The following DPH6 variants were observed in gnomAD, a reference collection of about 807,000 sequenced individuals.
DPH6 encodes the protein diphthine--ammonia ligase.
A neutral mutation model predicts 38.2 loss-of-function variants in DPH6; 33 were observed. That is an observed-to-expected ratio of 0.86 (90% CI 0.65 to 1.15). The LOEUF is 1.15. Among genes scored for constraint, DPH6 ranks in the 50% most tolerant of loss-of-function variants. DPH6 has a pLI of 0.00. For missense variants in DPH6, 325 were observed against 320.0 expected (o/e 1.02, Z -0.12); for synonymous variants, 108 against 103.0 (o/e 1.05, Z -0.30).
intron 3 of DPH6, among the ~76,000 whole-genome samples, chr15:35,535,704 G>A (rs1320118992): frequency 6.6e-5 from 10 of 152,040 alleles, no homozygotes. Flanking sequence ...AAATTCTAAA[G>A]AATAAAAGAT....
At chr15:35,222,678 C>T (rs2051450383) in intron 3 of DPH6, among the ~76,000 whole-genome samples, 1 of 152,116 alleles carries the variant, frequency 6.6e-6, no homozygotes, top group South Asian at 2.1e-4. Context: ...CTCAGTGAAT[C>T]TGCATTTTTA....
chr15:35,205,139 G>C, the DPH6 span, among the ~76,000 whole-genome samples: 1 of 151,902 alleles, frequency 6.6e-6, no homozygotes. Flanking sequence ...ATATTACTTA[G>C]AGTTTGATTT....
the DPH6 span, among the ~76,000 whole-genome samples, chr15:35,151,206 T>A: frequency 1.3e-5 from 2 of 152,204 alleles, no homozygotes; most frequent in African/African-American, 4.8e-5. Flanking sequence ...GATCTATGTT[T>A]TTCTTTTAGC....
downstream of DPH6, chr15:35,366,020 C>A (rs1436259726): frequency 1.0e-6 from 1 of 984,354 alleles, no homozygotes; most frequent in Non-Finnish European, 1.2e-6. Flanking sequence ...TGTGCTGAAC[C>A]AAATGTTGGC....
intron 3 of DPH6, among the ~76,000 whole-genome samples, chr15:35,245,039 G>A (rs2051626550): frequency 6.6e-6 from 1 of 152,002 alleles, no homozygotes; most frequent in Non-Finnish European, 1.5e-5. Flanking sequence ...ACACTTTTAG[G>A]GGGAGGCTAT....
intron 3 of DPH6, among the ~76,000 whole-genome samples, chr15:35,349,855 C>T (rs1595493431): frequency 6.6e-6 from 1 of 152,280 alleles, no homozygotes; most frequent in African/African-American, 2.4e-5. Flanking sequence ...TTGAATTAAG[C>T]ATGCTAGTGT....
chr15:35,341,858 T>C (rs1351347861), intron 3 of DPH6, among the ~76,000 whole-genome samples: 1 of 152,212 alleles, frequency 6.6e-6, no homozygotes, highest in Non-Finnish European at 1.5e-5. Context: ...ATCAGGGACC[T>C]GCTTAAAGAA....
chr15:35,379,369 C>T (rs985593877), intron 7 of DPH6, among the ~76,000 whole-genome samples: 5 of 152,074 alleles, frequency 3.3e-5, no homozygotes, highest in Non-Finnish European at 5.9e-5. Flanking sequence ...TGATTAGTTG[C>T]GTGCTAATAG....
rs72625179 is a variant in DPH6 at position 35,269,388 on chromosome 15, T to C, written n.201-48806A>G. On this transcript the variant is annotated intron_variant and non_coding_transcript_variant, in intron 3 of 3. Coordinates refer to the DPH6 transcript ENST00000560386. ...CAACCCCAGAAATCCTTGAACAAAA[T>C]GAGATGTTTAGACTTATTTAGGGCT... is the stretch of plus-strand genomic sequence containing the variant. Among the ~76,000 whole-genome samples the C allele has an allele frequency of 0.023, 3,469 of 152,280 alleles. 301 individuals are homozygous for C. The East Asian group carries it at 0.32, about 14-fold the overall frequency.
At chr15:35,473,271 T>C (rs937565816) in intron 3 of DPH6, among the ~76,000 whole-genome samples, 1 of 152,146 alleles carries the variant, frequency 6.6e-6, no homozygotes, top group Admixed American at 6.5e-5. Flanking sequence ...GAAAAAAAGT[T>C]CTGGTACCAG....
intron 7 of DPH6, among the ~76,000 whole-genome samples, chr15:35,378,517 C>G (rs1179246342): frequency 6.6e-6 from 1 of 152,178 alleles, no homozygotes; most frequent in Non-Finnish European, 1.5e-5. Flanking sequence ...ACTATAAAGA[C>G]ACATGCACAT....
At chr15:35,162,357 C>T in the DPH6 span, among the ~76,000 whole-genome samples, 1 of 151,896 alleles carries the variant, frequency 6.6e-6, no homozygotes, top group African/African-American at 2.4e-5. Context: ...AAATGTTCTC[C>T]ATCATCTGGC....
At chr15:35,184,804 T>A in the DPH6 span, among the ~76,000 whole-genome samples, 2 of 152,208 alleles carry the variant, frequency 1.3e-5, no homozygotes, top group Non-Finnish European at 2.9e-5. Flanking sequence ...CTAGGACTTG[T>A]TGTGTGTCCT....
intron 3 of DPH6, among the ~76,000 whole-genome samples, chr15:35,291,630 A>T (rs140895863): frequency 6.6e-6 from 1 of 152,112 alleles, no homozygotes; most frequent in Non-Finnish European, 1.5e-5. Context: ...TTTTCTTATA[A>T]TCTCTTAATG....
At chr15:35,443,644 G>A (rs1307019172) in intron 5 of DPH6, among the ~76,000 whole-genome samples, 3 of 152,110 alleles carry the variant, frequency 2.0e-5, no homozygotes, top group Non-Finnish European at 2.9e-5. Context: ...CAAGGTCCTG[G>A]TCTCAACCCT....
chr15:35,167,028 G>A, the DPH6 span, among the ~76,000 whole-genome samples: 188 of 152,124 alleles, frequency 1.2e-3, no homozygotes, highest in Admixed American at 2.3e-3. Context: ...CAATGGAAGC[G>A]AATTCTCTTC....
chr15:35,545,800 G>A (rs574979037), intron 1 of DPH6, among the ~76,000 whole-genome samples: 1 of 152,226 alleles, frequency 6.6e-6, no homozygotes, highest in African/African-American at 2.4e-5. Flanking sequence ...TCGCACAGAA[G>A]TAATTAAACC....
intron 6 of DPH6, among the ~76,000 whole-genome samples, chr15:35,387,423 T>A (rs1441716870): frequency 6.6e-6 from 1 of 152,196 alleles, no homozygotes; most frequent in Admixed American, 6.5e-5. Flanking sequence ...ATCTATAAAT[T>A]ACCTTGGGCA....
At chr15:35,438,791 C>T (rs1054184019) in intron 5 of DPH6, among the ~76,000 whole-genome samples, 5 of 152,112 alleles carry the variant, frequency 3.3e-5, no homozygotes, top group South Asian at 2.1e-4. Context: ...CTTTGAGAAA[C>T]GGAAACAGCC....
Sources: gnomAD v4.1 joint callset for allele counts (sites outside exome capture counted in the v4.1 genomes callset) on GRCh38, gnomAD v4.1.1 for gene constraint, MANE v1.5 for transcripts, NCBI Gene and HGNC (gene_info 2026-07-23, HGNC 2026-07-21) for gene names.